The following SREBF1 variants were observed in gnomAD, a reference collection of about 807,000 sequenced individuals.
SREBF1 encodes the protein sterol regulatory element binding transcription factor 1.
Under a neutral mutation model 100.1 loss-of-function variants are expected in SREBF1, and 45 were observed. The observed-to-expected ratio is 0.45, with a 90% CI of 0.35 to 0.58. The LOEUF is 0.58. Among genes scored for constraint, SREBF1 ranks in the 20% least tolerant of loss-of-function variants. SREBF1 has a pLI of 0.00. For missense variants in SREBF1, 1,324 were observed against 1,539.4 expected, an observed-to-expected ratio of 0.86 and a Z score of 2.34; for synonymous variants, 657 against 681.8, an observed-to-expected ratio of 0.96 and a Z score of 0.57.
Position 17,814,225 on chromosome 17 carries a change from C to G in SREBF1, c.2901+20G>C, listed in dbSNP as rs928823304. ...AGCTGAATCCCCCAGCCCTGCCAGG[C>G]CCCTGACCCCACCCCTCACCTTGTC... On this transcript the variant is annotated intron_variant, in intron 16 of 18. Transcript: ENST00000261646. 4.4e-6 allele frequency: 7 copies of G among 1,595,162 alleles called. No individual in the cohort carries two copies. In the African/African-American group the frequency reaches 6.7e-5, roughly 15 times the overall value.
chr17:17,820,671 A>G, intron 1 of SREBF1, 150 bp from the exon 2 acceptor site: 1 of 871,240 alleles, frequency 1.1e-6, no homozygotes, highest in Non-Finnish European at 1.8e-6. Flanking sequence ...AAAGCCACCC[A>G]CAGGAGCTGG....
intron 6 of SREBF1, 60 bp downstream of exon 6, chr17:17,818,200 G>A (rs190928308): frequency 1.9e-5 from 27 of 1,449,754 alleles, no homozygotes; most frequent in Admixed American, 5.0e-5. Context: ...GGGTGGGGCC[G>A]GGAGGTGGAG....
Position 17,811,984 on chromosome 17 carries a change from AG to A in SREBF1, c.*637del, listed in dbSNP as rs1396473357. On this transcript the variant is annotated 3_prime_UTR_variant, in exon 19 of 19. Coordinates refer to ENST00000261646, the MANE Select transcript of SREBF1 (RefSeq NM_004176.5). ...TAAAAGTTGTGTACCTTGTGGCCGG[AG>A]GGGGAGGGGAAGCCTTTCCCTAGGT... 4.5e-6 allele frequency: 2 copies of A among 443,290 alleles called. No individual in the cohort carries two copies. The highest frequency in any genetic ancestry group is 9.0e-6 in the Non-Finnish European group (2 of 223,008). 27.5% of individuals were successfully genotyped at this position (443,290 alleles called of 1,614,324 possible).
At chr17:17,821,596 C>T (rs1331320410) in intron 1 of SREBF1, among the ~76,000 whole-genome samples, 1 of 152,150 alleles carries the variant, frequency 6.6e-6, no homozygotes, top group Non-Finnish European at 1.5e-5. Flanking sequence ...GGTGATTTTC[C>T]CCTCCCCTCA....
At chr17:17,828,246 A>C (rs2034615152) in intron 1 of SREBF1, among the ~76,000 whole-genome samples, 3 of 152,206 alleles carry the variant, frequency 2.0e-5, no homozygotes, top group Non-Finnish European at 2.9e-5. Flanking sequence ...CTCCACCAGG[A>C]ATGCCCTTTC....
intron 2 of SREBF1, 38 bp downstream of exon 2, chr17:17,820,052 C>T (rs1175990596): frequency 6.3e-7 from 1 of 1,579,416 alleles, no homozygotes; most frequent in Non-Finnish European, 8.6e-7. Context: ...CTGGAAGCCC[C>T]ACCCCGGGTG....
Position 17,824,355 on chromosome 17 carries a change from C to T in SREBF1, c.92-3834G>A, listed in dbSNP as rs1006910024. Among the ~76,000 whole-genome samples, 1 of 152,162 alleles carries T rather than the reference C, an allele frequency of 6.6e-6. No homozygotes were observed. Among genetic ancestry groups the T allele is most frequent in the African/African-American group, 2.4e-5 (1 of 41,416 alleles). The stretch of plus-strand genomic sequence containing the variant: ...CCTGGAAATAAGGGTTTCCTGACTG[C>T]CAGCACCGATGTCCCTCTGCCAGAT... On this transcript the variant is annotated intron_variant, in intron 1 of 18. Transcript: ENST00000261646. The surrounding 1 kb of genome is among the most constrained non-coding windows in gnomAD (Gnocchi z 4.2).
In SREBF1 at chr17:17,819,590, G is replaced by T; in HGVS notation, c.659C>A (p.Pro220His). Residue 220 changes from proline (P) to histidine (H), a missense_variant, in exon 3 of 19, where the codon CCC becomes CAC. Coordinates refer to ENST00000261646, the MANE Select transcript of SREBF1 (RefSeq NM_004176.5). The part of the protein sequence containing the change: ...PQQLLTVTAA[P>H]TAAPVTTTVT... The stretch of plus-strand genomic sequence containing the variant: ...AGTGGTCGTTACAGGGGCTGCCGTG[G>T]GGGCAGCTGTGACTGTCAGTAGCTG... 6.2e-7 allele frequency: 1 copy of T among 1,613,836 alleles called. No individual in the cohort carries two copies.
chr17:17,812,392 C>T lies in SREBF1; in HGVS notation c.*230G>A. The T allele has an allele frequency of 3.3e-6, 2 of 608,644 alleles. No homozygotes were observed. The highest frequency in any genetic ancestry group is 2.9e-6 in the Non-Finnish European group (1 of 349,438). 37.7% of individuals were successfully genotyped at this position (608,644 alleles called of 1,614,324 possible). The stretch of plus-strand genomic sequence containing the variant: ...GCCCCCCAAAATGGCTCGGCCCCTG[C>T]AGTGCCCCGATCGGCCACCAGAGGT... On this transcript the variant is annotated 3_prime_UTR_variant, in exon 19 of 19. Coordinates refer to ENST00000261646, the MANE Select transcript of SREBF1 (RefSeq NM_004176.5).
intron 1 of SREBF1, among the ~76,000 whole-genome samples, chr17:17,833,043 G>C (rs2034970599): frequency 6.6e-6 from 1 of 152,098 alleles, no homozygotes; most frequent in Admixed American, 6.6e-5. Flanking sequence ...GGTAATAAGA[G>C]GAAACCTTAC....
At chr17:17,832,829 G>A (rs1355476041) in intron 1 of SREBF1, among the ~76,000 whole-genome samples, 2 of 151,700 alleles carry the variant, frequency 1.3e-5, no homozygotes, top group African/African-American at 4.8e-5. Context: ...GCTGAGGCAG[G>A]AGAATGGTGT....
At chr17:17,832,934 C>CAA (rs1051240899) in intron 1 of SREBF1, among the ~76,000 whole-genome samples, 9 of 136,708 alleles carry the variant, frequency 6.6e-5, no homozygotes, top group African/African-American at 2.2e-4. Flanking sequence ...AACAAACAAA[C>CAA]AAAAAAAAAA....
chr17:17,812,384 G>A lies in SREBF1; in HGVS notation c.*238C>T. 2 of 594,436 alleles carry A rather than the reference G, an allele frequency of 3.4e-6. No homozygotes were observed. Among genetic ancestry groups the A allele is most frequent in the South Asian group, 4.2e-5 (2 of 47,794 alleles). 36.8% of individuals were successfully genotyped at this position (594,436 alleles called of 1,614,324 possible). On this transcript the variant is annotated 3_prime_UTR_variant, in exon 19 of 19. Transcript: ENST00000261646. The stretch of plus-strand genomic sequence containing the variant: ...GGAGGGGGGCCCCCCAAAATGGCTC[G>A]GCCCCTGCAGTGCCCCGATCGGCCA...
At chr17:17,833,417 T>C (rs1268355835) in intron 1 of SREBF1, among the ~76,000 whole-genome samples, 3 of 54,138 alleles carry the variant, frequency 5.5e-5, no homozygotes, top group Non-Finnish European at 9.6e-5. Flanking sequence ...CAAGACTCCG[T>C]CTCAAAAAAA....
Position 17,836,917 on chromosome 17 carries a change from G to T in SREBF1, c.-100C>A. Reference sequence around the variant, plus strand: ...GCCCCGGCTCTCAGTCGCCGCCGCCGCTCCGCGCGTTCGTGTCCTGCCCTG... The same window carrying T: ...GCCCCGGCTCTCAGTCGCCGCCGCCTCTCCGCGCGTTCGTGTCCTGCCCTG... On this transcript the variant is annotated 5_prime_UTR_variant, in exon 1 of 19. Coordinates refer to ENST00000261646, the MANE Select transcript of SREBF1 (RefSeq NM_004176.5). The T allele has an allele frequency of 2.6e-6, 3 of 1,150,146 alleles. No individual in the cohort carries two copies. Among genetic ancestry groups the T allele is most frequent in the South Asian group, 1.7e-5 (1 of 57,896 alleles). 71.2% of individuals were successfully genotyped at this position (1,150,146 alleles called of 1,614,324 possible). A position where few individuals can be genotyped will look rare whatever the true frequency, so the allele number is the denominator to read the frequency against.
chr17:17,818,435 G>C, intron 5 of SREBF1, 61 bp from the exon 6 acceptor site: 1 of 1,290,244 alleles, frequency 7.8e-7, no homozygotes, highest in Non-Finnish European at 1.1e-6. Flanking sequence ...GGGTTGTGGG[G>C]TTGGAGAGCC....
At position 17,812,785 on chromosome 17, in the gene SREBF1, G is replaced by A; in HGVS notation, c.3281C>T (p.Ser1094Phe). Residue 1094 changes from serine to phenylalanine, a missense_variant, in exon 19 of 19, where the codon TCC (serine) becomes TTC (phenylalanine). Coordinates refer to ENST00000261646, the MANE Select transcript of SREBF1 (RefSeq NM_004176.5). ...REHAEALLLASCYLPPGFLSA... is the reference protein window; with the variant it reads ...REHAEALLLAFCYLPPGFLSA... ...CAGGAAGCCGGGGGGCAGGTAGCAG[G>A]AGGCCAGCAGCAAGGCCTCCGCGTG... is the stretch of plus-strand genomic sequence containing the variant. 1 of 1,525,786 alleles carries A rather than the reference G, an allele frequency of 6.6e-7. No homozygotes were observed. Among genetic ancestry groups the A allele is most frequent in the South Asian group, 1.2e-5 (1 of 83,826 alleles). 94.5% of individuals were successfully genotyped at this position (1,525,786 alleles called of 1,614,324 possible).
chr17:17,812,910 C>G, intron 18 of SREBF1, 59 bp from the exon 19 acceptor site: 1 of 1,410,628 alleles, frequency 7.1e-7, no homozygotes, highest in Non-Finnish European at 9.3e-7. Context: ...CCCGCGGGAG[C>G]CCTGCCCACA....
intron 13 of SREBF1, 33 bp downstream of exon 13, chr17:17,815,188 G>A (rs1237184287): frequency 1.9e-6 from 3 of 1,585,902 alleles, no homozygotes; most frequent in Non-Finnish European, 2.6e-6. Context: ...CGCCGGAGGG[G>A]CCTTGCCTGG....
Sources: allele counts gnomAD v4.1 joint callset (sites outside exome capture counted in the v4.1 genomes callset), GRCh38; gene constraint gnomAD v4.1.1; non-coding constraint Gnocchi (gnomAD v3.1); transcripts MANE v1.5; gene names NCBI Gene and HGNC (gene_info 2026-07-23, HGNC 2026-07-21).